Variants in MTHFD2L observed in about 807,000 individuals in gnomAD.
MTHFD2L encodes bifunctional methylenetetrahydrofolate dehydrogenase/cyclohydrolase 2, mitochondrial.
MTHFD2L carries 29 observed loss-of-function variants against 34.9 expected under a neutral mutation model. The observed-to-expected ratio is 0.83, with a 90% CI of 0.62 to 1.13. The LOEUF (loss-of-function observed/expected upper bound fraction) is 1.13, where lower values mean the gene tolerates loss of function less well. Among genes scored for constraint, MTHFD2L ranks in the 50% most tolerant of loss-of-function variants. The probability of loss-of-function intolerance (pLI) is 0.00; values close to 1 mark genes in which losing one functional copy is unlikely to be tolerated. For missense variants in MTHFD2L, 481 were observed against 446.5 expected, an observed-to-expected ratio of 1.08 and a Z score of -0.70; for synonymous variants, 167 against 155.7, an observed-to-expected ratio of 1.07 and a Z score of -0.54.
chr4:74,206,436 T>A (rs1469289343), intron 5 of MTHFD2L, among the ~76,000 whole-genome samples: 1 of 152,086 alleles, frequency 6.6e-6, no homozygotes, highest in Non-Finnish European at 1.5e-5. Flanking sequence ...CAAGATTAGC[T>A]CCTGGAACTT....
intron 3 of MTHFD2L, among the ~76,000 whole-genome samples, chr4:74,185,181 C>CAAAAAAAAA (rs1730964644): frequency 1.8e-5 from 2 of 109,288 alleles, no homozygotes; most frequent in African/African-American, 1.1e-4. Flanking sequence ...AAAAAAAAAT[C>CAAAAAAAAA]TGGAAAATCC....
At chr4:74,201,037 A>T (rs991819073) in intron 4 of MTHFD2L, among the ~76,000 whole-genome samples, 1 of 152,174 alleles carries the variant, frequency 6.6e-6, no homozygotes, top group African/African-American at 2.4e-5. Flanking sequence ...TCAACTTAAG[A>T]ATGTCTGTGG....
intron 7 of MTHFD2L, chr4:74,293,606 TGGTTG>T: frequency 3.7e-6 from 3 of 815,506 alleles, no homozygotes; most frequent in Non-Finnish European, 4.4e-6. Context: ...ACTTGATTCC[TGGTTG>T]CCTTCCAAGT....
chr4:74,199,647 AAATAAT>A (rs375652920), intron 3 of MTHFD2L, 141 bp from the exon 4 acceptor site: 77 of 663,470 alleles, frequency 1.2e-4, no homozygotes, highest in Non-Finnish European at 1.5e-4. Flanking sequence ...TTTTGGTGGC[AAATAAT>A]AATAATAATA....
intron 5 of MTHFD2L, among the ~76,000 whole-genome samples, chr4:74,223,252 CACACACACAT>C (rs1168536297): frequency 1.3e-5 from 2 of 151,862 alleles, no homozygotes; most frequent in East Asian, 3.9e-4. Context: ...ACTACATACA[CACACACACAT>C]ACACACACCA....
chr4:74,274,450 G>A (rs576690775), intron 6 of MTHFD2L, among the ~76,000 whole-genome samples: 2 of 152,250 alleles, frequency 1.3e-5, no homozygotes, highest in South Asian at 4.1e-4. Context: ...CAGTAGGAGA[G>A]ACCAACAACT....
At position 74,185,179 on chromosome 4, in the gene MTHFD2L, ATC is replaced by A. The variant is rs1730962401; in HGVS notation, c.451+9778_451+9779del. Among the ~76,000 whole-genome samples, 60 of 144,290 alleles carry A rather than the reference ATC, an allele frequency of 4.2e-4. 4 individuals carry two copies. Among genetic ancestry groups the A allele is most frequent in the African/African-American group, 1.1e-3 (39 of 36,072 alleles). 94.7% of individuals were successfully genotyped at this position (144,290 alleles called of 152,430 possible). A position where few individuals can be genotyped will look rare whatever the true frequency, so the allele number is the denominator to read the frequency against. ...AAAAAAAAAAAAAAAAAAAAAAAAA[ATC>A]TGGAAAATCCCTAAATATTTGAAAA... On this transcript the variant is annotated intron_variant, in intron 3 of 7. Coordinates refer to ENST00000325278, the MANE Select transcript of MTHFD2L (RefSeq NM_001144978.3).
chr4:74,167,503 G>A (rs565031585), intron 1 of MTHFD2L, among the ~76,000 whole-genome samples: 2 of 152,308 alleles, frequency 1.3e-5, no homozygotes, highest in East Asian at 3.9e-4. Flanking sequence ...CAATATCAGT[G>A]ATTTAAAATA....
chr4:74,279,360 C>T (rs937190925), intron 6 of MTHFD2L, among the ~76,000 whole-genome samples: 3 of 151,696 alleles, frequency 2.0e-5, no homozygotes, highest in East Asian at 3.9e-4. Context: ...AATACTAATA[C>T]TTATTTTCTT....
At chr4:74,157,358 T>G, upstream of MTHFD2L, 1 of 273,524 alleles carries the variant, frequency 3.7e-6, no homozygotes, top group Non-Finnish European at 7.2e-6. Context: ...TCCCAGCTGG[T>G]TTTATCTGTG....
intron 1 of MTHFD2L, among the ~76,000 whole-genome samples, chr4:74,139,316 T>C (rs1723142560): frequency 6.6e-6 from 1 of 152,136 alleles, no homozygotes; most frequent in Non-Finnish European, 1.5e-5. Flanking sequence ...TGGTACTTCT[T>C]ACAGCATGGT....
chr4:74,298,757 C>T (rs1486662607), intron 7 of MTHFD2L, among the ~76,000 whole-genome samples: 3 of 151,922 alleles, frequency 2.0e-5, no homozygotes, highest in East Asian at 3.9e-4. Context: ...TCCAGAATAT[C>T]CTGCTAACAC....
intron 1 of MTHFD2L, among the ~76,000 whole-genome samples, chr4:74,163,518 A>G (rs115355958): frequency 7.4e-4 from 112 of 152,368 alleles, no homozygotes; most frequent in African/African-American, 2.5e-3. Context: ...GTCATATATA[A>G]TGAAAAGGTA....
intron 6 of MTHFD2L, chr4:74,268,151 CAGG>C: frequency 1.0e-6 from 1 of 983,928 alleles, no homozygotes; most frequent in Non-Finnish European, 1.2e-6. Flanking sequence ...CTAGAAATAA[CAGG>C]AGGATACCTG....
intron 6 of MTHFD2L, among the ~76,000 whole-genome samples, chr4:74,225,987 A>G (rs890186560): frequency 6.6e-6 from 1 of 152,146 alleles, no homozygotes; most frequent in African/African-American, 2.4e-5. Context: ...TGACCTAAAG[A>G]GATACAACAA....
chr4:74,272,235 G>A (rs1014506511), intron 6 of MTHFD2L, among the ~76,000 whole-genome samples: 1 of 152,140 alleles, frequency 6.6e-6, no homozygotes, highest in Non-Finnish European at 1.5e-5. Context: ...TGGGATCACG[G>A]AGGAGGAAAG....
rs80256210 is a variant in MTHFD2L, at chr4:74,266,182, G to A, written c.806-15243G>A. On this transcript the variant is annotated intron_variant, in intron 6 of 7. Transcript: ENST00000325278. ...CAGAAACTCAAGCTTCATCTATGTG[G>A]ACTCTTATGTTGTTCCAGAGGTTTC... is the stretch of plus-strand genomic sequence containing the variant. Among the ~76,000 whole-genome samples, 18 of 152,272 alleles carry A rather than the reference G, an allele frequency of 1.2e-4. No homozygotes were observed. The East Asian group carries it at 3.5e-3, about 29-fold the overall frequency.
chr4:74,272,177 A>G (rs1461269475), intron 6 of MTHFD2L, among the ~76,000 whole-genome samples: 1 of 152,212 alleles, frequency 6.6e-6, no homozygotes, highest in Non-Finnish European at 1.5e-5. Context: ...AAATCAGGAC[A>G]TCATTTAATC....
intron 1 of MTHFD2L, among the ~76,000 whole-genome samples, chr4:74,128,897 C>A (rs916591149): frequency 6.6e-6 from 1 of 152,032 alleles, no homozygotes; most frequent in Non-Finnish European, 1.5e-5. Flanking sequence ...CATTTGTATT[C>A]AGTGCTATCA....
Sources: gnomAD v4.1 joint callset for allele counts (sites outside exome capture counted in the v4.1 genomes callset) on GRCh38, gnomAD v4.1.1 for gene constraint, MANE v1.5 for transcripts, NCBI Gene and HGNC (gene_info 2026-07-23, HGNC 2026-07-21) for gene names.